RAC1: variants seen among roughly 807,000 people sequenced by gnomAD.
RAC1 encodes ras-related C3 botulinum toxin substrate 1.
RAC1 carries 2 observed loss-of-function variants against 25.2 expected under a neutral mutation model. The observed-to-expected ratio is 0.08, with a 90% confidence interval of 0.03 to 0.25. The LOEUF (loss-of-function observed/expected upper bound fraction) is 0.25. Ranked by LOEUF, RAC1 falls within the 10% of genes least tolerant of loss-of-function variation. RAC1 has a pLI of 1.00. For missense variants in RAC1, 50 were observed against 235.7 expected (o/e 0.21, Z 5.16); for synonymous variants, 88 against 94.0 (o/e 0.94, Z 0.37).
chr7:6,393,992 TG>T (rs1442813704), intron 3 of RAC1, among the ~76,000 whole-genome samples: 4 of 152,202 alleles, frequency 2.6e-5, no homozygotes, highest in Admixed American at 6.5e-5. Flanking sequence ...TGCTGGCACC[TG>T]GGTCTCTTGT....
At chr7:6,383,649 C>G (rs916915857) in intron 1 of RAC1, among the ~76,000 whole-genome samples, 1 of 151,984 alleles carries the variant, frequency 6.6e-6, no homozygotes, top group African/African-American at 2.4e-5. Context: ...TTTTGTTCCT[C>G]ATATACATAG....
chr7:6,375,908 C>G (rs1357889635), intron 1 of RAC1: 2 of 151,970 alleles, frequency 1.3e-5, no homozygotes, highest in African/African-American at 4.8e-5. Context: ...CTCAGCGTTG[C>G]TTGTATAGGT....
At chr7:6,389,192 A>G (rs34233110) in intron 2 of RAC1, among the ~76,000 whole-genome samples, 2,111 of 128,812 alleles carry the variant, frequency 0.016, 33 homozygotes, top group South Asian at 0.037. Context: ...ACAGAGTGAG[A>G]CTCTGTCTCC....
intron 1 of RAC1, among the ~76,000 whole-genome samples, chr7:6,386,977 C>G (rs573771512): frequency 6.6e-6 from 1 of 150,724 alleles, no homozygotes; most frequent in African/African-American, 2.5e-5. Flanking sequence ...GGTACCTAAA[C>G]AGAATGTGAT....
chr7:6,391,356 A>C (rs1460428277), intron 2 of RAC1: 3 of 151,928 alleles, frequency 2.0e-5, no homozygotes, highest in South Asian at 2.1e-4. Flanking sequence ...TTGCTGGGTT[A>C]TCTCTCCTGA....
At chr7:6,383,518 G>A (rs1782831486) in intron 1 of RAC1, among the ~76,000 whole-genome samples, 1 of 152,052 alleles carries the variant, frequency 6.6e-6, no homozygotes, top group South Asian at 2.1e-4. Context: ...ATTTCAGTCA[G>A]TATCAGATTA....
intron 1 of RAC1, 84 bp downstream of exon 1, chr7:6,374,854 C>G: frequency 9.9e-7 from 1 of 1,009,608 alleles, no homozygotes; most frequent in Non-Finnish European, 1.2e-6. Flanking sequence ...CCAGGCAGGC[C>G]GGCGTCCGCC....
chr7:6,376,851 C>T (rs1782620043), intron 1 of RAC1, among the ~76,000 whole-genome samples: 2 of 146,648 alleles, frequency 1.4e-5, no homozygotes, highest in South Asian at 4.3e-4. Flanking sequence ...AAAACATAAG[C>T]ATAGCAGATA....
intron 1 of RAC1, 60 bp downstream of exon 1, chr7:6,374,830 G>T (rs1782533084): frequency 7.5e-6 from 8 of 1,070,406 alleles, no homozygotes; most frequent in African/African-American, 1.7e-5. Context: ...GGGGGGTTGG[G>T]CCCGGACTGG....
At chr7:6,399,825 T>C (rs1460551011) in intron 3 of RAC1, 2 of 365,114 alleles carry the variant, frequency 5.5e-6, no homozygotes, top group Non-Finnish European at 9.9e-6. Flanking sequence ...TCATTTTAGA[T>C]AGTTAGGCGT....
intron 1 of RAC1, among the ~76,000 whole-genome samples, chr7:6,375,284 C>G (rs1264055847): frequency 1.3e-5 from 2 of 151,984 alleles, no homozygotes; most frequent in African/African-American, 2.4e-5. Context: ...TAGACGGGGT[C>G]TCGCTGTGTT....
At chr7:6,384,456 C>T (rs893035231) in intron 1 of RAC1, among the ~76,000 whole-genome samples, 5 of 152,268 alleles carry the variant, frequency 3.3e-5, no homozygotes, top group South Asian at 2.1e-4. Context: ...GAAGAGGTAA[C>T]GTATTTCCCT....
intron 3 of RAC1, among the ~76,000 whole-genome samples, chr7:6,395,860 G>T (rs189170245): frequency 6.6e-6 from 1 of 152,338 alleles, no homozygotes; most frequent in East Asian, 1.9e-4. Flanking sequence ...ATAGCATTTG[G>T]AAGAGAATAA....
chr7:6,396,024 C>T (rs1783226955), intron 3 of RAC1, among the ~76,000 whole-genome samples: 1 of 152,194 alleles, frequency 6.6e-6, no homozygotes, highest in South Asian at 2.1e-4. Flanking sequence ...CTACACTTAC[C>T]ACCGAGGAGG....
chr7:6,398,567 G>T, intron 3 of RAC1: 1 of 1,133,574 alleles, frequency 8.8e-7, no homozygotes, highest in Non-Finnish European at 1.3e-6. Context: ...GGAGGGTTAA[G>T]ACAAAATTCT....
At chr7:6,385,621 C>G (rs1422533046) in intron 1 of RAC1, among the ~76,000 whole-genome samples, 2 of 152,160 alleles carry the variant, frequency 1.3e-5, no homozygotes, top group Admixed American at 6.5e-5. Flanking sequence ...GTTTGACTCT[C>G]TAAAGTCTTT....
At chr7:6,390,000 C>T (rs567597506) in intron 2 of RAC1, among the ~76,000 whole-genome samples, 3,031 of 127,608 alleles carry the variant, frequency 0.024, 62 homozygotes, top group Non-Finnish European at 0.037. Context: ...CTCTCCCTCC[C>T]TCTCTCCCTC....
rs36043849 is a variant in RAC1, at chr7:6,386,260, G to A, written c.36-952G>A. ...TCCCTGCTTATAGACTTATGGTGCTGTGTGAGGATTGGGGCTGGGGGAGGT... is the reference window on the plus strand; with the variant it reads ...TCCCTGCTTATAGACTTATGGTGCTATGTGAGGATTGGGGCTGGGGGAGGT... On this transcript the variant is annotated intron_variant, in intron 1 of 5. Coordinates refer to ENST00000348035, the MANE Select transcript of RAC1 (RefSeq NM_006908.5). Among the ~76,000 whole-genome samples, 704 of 152,284 alleles carry A rather than the reference G, an allele frequency of 4.6e-3. 2 individuals carry two copies. The highest frequency in any genetic ancestry group is 0.016 in the African/African-American group (681 of 41,564).
intron 3 of RAC1, among the ~76,000 whole-genome samples, chr7:6,393,440 A>G (rs536401343): frequency 6.6e-6 from 1 of 152,226 alleles, no homozygotes; most frequent in Non-Finnish European, 1.5e-5. Context: ...CCCTGCTGTG[A>G]CTCAGGGGGT....
Sources: gnomAD v4.1 joint callset for allele counts (sites outside exome capture counted in the v4.1 genomes callset) on GRCh38, gnomAD v4.1.1 for gene constraint, MANE v1.5 for transcripts, NCBI Gene and HGNC (gene_info 2026-07-23, HGNC 2026-07-21) for gene names.